ALK: variants seen among roughly 807,000 people sequenced by gnomAD.
ALK encodes the protein ALK tyrosine kinase receptor.
ALK carries 74 observed loss-of-function variants against 163.1 expected under a neutral mutation model. That is an observed-to-expected ratio of 0.45 (90% confidence interval 0.38 to 0.55). The LOEUF is 0.55. Ranked by LOEUF, ALK falls within the 20% of genes least tolerant of loss-of-function variation. The probability of loss-of-function intolerance (pLI) is 0.00; values close to 1 mark genes in which losing one functional copy is unlikely to be tolerated. For synonymous variants in ALK, 960 were observed against 843.2 expected (o/e 1.14, Z -2.40); for missense variants, 2,063 against 2,105.3 (o/e 0.98, Z 0.39).
chr2:29,357,592 C>T (rs544403142), intron 5 of ALK, among the ~76,000 whole-genome samples: 9 of 152,358 alleles, frequency 5.9e-5, no homozygotes, highest in African/African-American at 2.2e-4. Context: ...ATTCTGTCCT[C>T]CTGGTCATAG....
intron 1 of ALK, among the ~76,000 whole-genome samples, chr2:29,868,051 G>C (rs1295475021): frequency 6.6e-6 from 1 of 152,234 alleles, no homozygotes; most frequent in Non-Finnish European, 1.5e-5. Context: ...AAAGCCTTGA[G>C]ATCATGCCCT....
chr2:29,275,426 T>C lies in ALK; in HGVS notation c.1888A>G (p.Ile630Val), dbSNP rs1345759462. ...RAIVAFDNIS[I>V]SLDCYLTISG... ...CTGGTGAGGTAGCAGTCCAGGCTGA[T>C]GGAGATATTGTCAAAAGCCACGATG... The change falls in exon 10 of 29, where the codon ATC (isoleucine) becomes GTC (valine). Residue 630 changes from isoleucine to valine, a missense_variant. Coordinates refer to ENST00000389048, the MANE Select transcript of ALK (RefSeq NM_004304.5). 2 of 1,613,946 alleles carry C rather than the reference T, an allele frequency of 1.2e-6. No homozygotes were observed. Among genetic ancestry groups the C allele is most frequent in the Non-Finnish European group, 1.7e-6 (2 of 1,179,894 alleles).
chr2:29,550,746 G>A (rs747014195), intron 3 of ALK, among the ~76,000 whole-genome samples: 25 of 151,990 alleles, frequency 1.6e-4, no homozygotes, highest in Non-Finnish European at 3.1e-4. Flanking sequence ...TTGTTTATGT[G>A]CATTAAATAT....
At position 29,761,048 on chromosome 2, in the gene ALK, G is replaced by GC. The variant is rs1202625873; in HGVS notation, c.668-43352dup. ...GTTCATGCCTGCCTGGGGACATAGA[G>GC]CCCCCTGCCCAGGGAGAACACAGCC... On this transcript the variant is annotated intron_variant, in intron 1 of 28. Coordinates refer to ENST00000389048, the MANE Select transcript of ALK (RefSeq NM_004304.5). Among the ~76,000 whole-genome samples, 3 of 152,260 alleles carry GC rather than the reference G, an allele frequency of 2.0e-5. No homozygotes were observed. The East Asian group carries it at 5.8e-4, about 29-fold the overall frequency.
chr2:29,429,039 A>T (rs115350076), intron 4 of ALK, among the ~76,000 whole-genome samples: 11 of 152,004 alleles, frequency 7.2e-5, no homozygotes, highest in Admixed American at 5.9e-4. Flanking sequence ...AAGAAGATTC[A>T]ACAAACTTGA....
In ALK at chr2:29,467,031, A is replaced by G. The variant is rs183955709; in HGVS notation, c.1154+64884T>C. Among the ~76,000 whole-genome samples, 827 of 152,248 alleles carry G rather than the reference A, an allele frequency of 5.4e-3. 5 individuals carry two copies. Among genetic ancestry groups the G allele is most frequent in the African/African-American group, 5.0e-3 (208 of 41,556 alleles). On this transcript the variant is annotated intron_variant, in intron 4 of 28. Coordinates refer to ENST00000389048, the MANE Select transcript of ALK (RefSeq NM_004304.5). Reference sequence around the variant, plus strand: ...AGTTGTTTCTGGTAAGGCTGTTAATAATTTCACCCCTCCTCCCCTTCTAAG... The same window carrying G: ...AGTTGTTTCTGGTAAGGCTGTTAATGATTTCACCCCTCCTCCCCTTCTAAG...
At chr2:29,656,169 A>G (rs985327868) in intron 3 of ALK, among the ~76,000 whole-genome samples, 1 of 152,152 alleles carries the variant, frequency 6.6e-6, no homozygotes, top group African/African-American at 2.4e-5. Context: ...TTAAAAATGT[A>G]AATTTTTACA....
chr2:29,602,334 A>T (rs1675402260), intron 3 of ALK, among the ~76,000 whole-genome samples: 1 of 152,154 alleles, frequency 6.6e-6, no homozygotes, highest in Non-Finnish European at 1.5e-5. Flanking sequence ...CAGCAGGGTC[A>T]GGCCTGGGGA....
intron 4 of ALK, among the ~76,000 whole-genome samples, chr2:29,520,189 G>A (rs1361808317): frequency 6.6e-6 from 1 of 152,160 alleles, no homozygotes; most frequent in Non-Finnish European, 1.5e-5. Flanking sequence ...CGGCAGTGTA[G>A]GATGGTTAAG....
At chr2:29,581,928 T>C (rs528303693) in intron 3 of ALK, among the ~76,000 whole-genome samples, 1 of 152,310 alleles carries the variant, frequency 6.6e-6, no homozygotes, top group Non-Finnish European at 1.5e-5. Flanking sequence ...AGACTGGGCA[T>C]GGGTGGTGCC....
chr2:29,394,728 G>A (rs1415626321), intron 4 of ALK, among the ~76,000 whole-genome samples: 1 of 152,156 alleles, frequency 6.6e-6, no homozygotes, highest in East Asian at 1.9e-4. Context: ...TTTCTGTAAG[G>A]AGATGTGGGC....
In ALK at chr2:29,466,363, ACACT is replaced by A. The variant is rs147449276; in HGVS notation, c.1154+65548_1154+65551del. The stretch of plus-strand genomic sequence containing the variant: ...CTAACTCACACACATAGACACACAC[ACACT>A]CTCACACACTCACACTCACCAAGCT... On this transcript the variant is annotated intron_variant, in intron 4 of 28. Transcript: ENST00000389048. Among the ~76,000 whole-genome samples, 1,268 of 152,272 alleles carry A rather than the reference ACACT, an allele frequency of 8.3e-3. 19 individuals carry two copies. The highest frequency in any genetic ancestry group is 0.029 in the African/African-American group (1,188 of 41,550).
chr2:29,779,941 G>A (rs555710511), intron 1 of ALK, among the ~76,000 whole-genome samples: 25 of 152,270 alleles, frequency 1.6e-4, no homozygotes, highest in African/African-American at 6.0e-4. Context: ...TTACTTCACT[G>A]ACACCAGGAA....
At chr2:29,364,477 T>G (rs978674188) in intron 5 of ALK, among the ~76,000 whole-genome samples, 1 of 152,214 alleles carries the variant, frequency 6.6e-6, no homozygotes, top group Non-Finnish European at 1.5e-5. Context: ...GGGGTTCTGA[T>G]AGAAATCCTG....
Position 29,313,627 on chromosome 2 carries a change from C to T in ALK, c.1647+4677G>A, listed in dbSNP as rs193061528. 7.2e-4 allele frequency among the ~76,000 whole-genome samples: 110 copies of T among 152,248 alleles called. 1 individual carries two copies. Among genetic ancestry groups the T allele is most frequent in the African/African-American group, 2.5e-3 (105 of 41,518 alleles). ...CAGCAGGGCAGTGTGACAGGAAGAG[C>T]ATGAAACTCAGAATCATAAGATCTA... On this transcript the variant is annotated intron_variant, in intron 8 of 28. Coordinates refer to ENST00000389048, the MANE Select transcript of ALK (RefSeq NM_004304.5).
At chr2:29,773,254 A>T (rs1035450541) in intron 1 of ALK, among the ~76,000 whole-genome samples, 4 of 151,672 alleles carry the variant, frequency 2.6e-5, no homozygotes, top group Non-Finnish European at 5.9e-5. Context: ...ACACACACAC[A>T]TTTTTTTCTT....
chr2:29,499,499 A>G (rs1672113717), intron 4 of ALK, among the ~76,000 whole-genome samples: 1 of 152,042 alleles, frequency 6.6e-6, no homozygotes, highest in Non-Finnish European at 1.5e-5. Context: ...CCCGGCTCCT[A>G]GGGTCTTCTA....
At chr2:29,391,800 C>G (rs573199999) in intron 4 of ALK, among the ~76,000 whole-genome samples, 2 of 152,242 alleles carry the variant, frequency 1.3e-5, no homozygotes, top group South Asian at 2.1e-4. Flanking sequence ...GGACCTCCTG[C>G]TCTCATCACT....
At chr2:29,485,971 TA>T (rs1486190352) in intron 4 of ALK, among the ~76,000 whole-genome samples, 1 of 152,158 alleles carries the variant, frequency 6.6e-6, no homozygotes, top group Non-Finnish European at 1.5e-5. Context: ...TCCTTAGAAG[TA>T]TTTATCACAC....
Sources: allele counts gnomAD v4.1 joint callset (sites outside exome capture counted in the v4.1 genomes callset), GRCh38; gene constraint gnomAD v4.1.1; transcripts MANE v1.5; gene names NCBI Gene and HGNC (gene_info 2026-07-23, HGNC 2026-07-21).